The following EFCAB5 variants were observed in gnomAD, a reference collection of about 807,000 sequenced individuals.
EFCAB5 encodes the protein EF-hand calcium-binding domain-containing protein 5.
In EFCAB5, 131 loss-of-function variants were observed where a neutral mutation model predicts 167.9. The ratio of observed to expected loss-of-function variants is 0.78; its 90% CI spans 0.68 to 0.90. EFCAB5 has a LOEUF of 0.90. Among genes scored for constraint, EFCAB5 ranks in the 40% least tolerant of loss-of-function variants. The pLI, the probability that EFCAB5 is intolerant of heterozygous loss-of-function variation, is 0.00. For synonymous variants in EFCAB5, 574 were observed against 602.8 expected, an observed-to-expected ratio of 0.95 and a Z score of 0.70; for missense variants, 1,663 against 1,745.2, an observed-to-expected ratio of 0.95 and a Z score of 0.84.
At chr17:29,980,519 T>G (rs548553808) in intron 4 of EFCAB5, among the ~76,000 whole-genome samples, 2 of 152,354 alleles carry the variant, frequency 1.3e-5, no homozygotes, top group South Asian at 4.1e-4. Context: ...TTTATCTTAC[T>G]TGACCTCTTA....
intron 4 of EFCAB5, among the ~76,000 whole-genome samples, chr17:29,992,903 A>T (rs1228472063): frequency 6.6e-6 from 1 of 152,184 alleles, no homozygotes; most frequent in Non-Finnish European, 1.5e-5. Flanking sequence ...TCACATTCCT[A>T]CCAATACTTC....
At chr17:30,072,493 G>C (rs9910717) in intron 14 of EFCAB5, among the ~76,000 whole-genome samples, 14,045 of 152,144 alleles carry the variant, frequency 0.092, 1,437 homozygotes, top group African/African-American at 0.26. Context: ...TAAGTAGCTA[G>C]CATAAAATTC....
intron 14 of EFCAB5, chr17:30,069,674 G>A (rs2151816407): frequency 1.4e-6 from 2 of 1,445,102 alleles, no homozygotes; most frequent in South Asian, 1.2e-5. Context: ...CTGCATGGGC[G>A]CTCACAGGCT....
chr17:30,072,445 A>T (rs1178141733), intron 14 of EFCAB5, among the ~76,000 whole-genome samples: 1 of 152,212 alleles, frequency 6.6e-6, no homozygotes, highest in Non-Finnish European at 1.5e-5. Flanking sequence ...TCTCATTGAA[A>T]AGTACACAAG....
At chr17:30,068,952 A>G in intron 14 of EFCAB5, 1 of 1,531,134 alleles carries the variant, frequency 6.5e-7, no homozygotes, top group South Asian at 1.1e-5. Context: ...GGACCTGTTC[A>G]GAAGCAATTC....
intron 3 of EFCAB5, among the ~76,000 whole-genome samples, chr17:29,955,567 G>C (rs184396036): frequency 2.0e-5 from 3 of 152,100 alleles, no homozygotes; most frequent in African/African-American, 7.2e-5. Context: ...ACCCAGTCTG[G>C]GATATGCCTT....
chr17:29,996,218 A>G, intron 5 of EFCAB5, 94 bp from the exon 6 acceptor site: 1 of 1,026,084 alleles, frequency 9.7e-7, no homozygotes, highest in East Asian at 2.6e-5. Flanking sequence ...TAAAACAGAA[A>G]GACTATAGAT....
At chr17:30,088,311 G>A (rs534301615) in intron 19 of EFCAB5, among the ~76,000 whole-genome samples, 46 of 152,080 alleles carry the variant, frequency 3.0e-4, no homozygotes, top group Admixed American at 1.4e-3. Context: ...TTAAGAGACA[G>A]GGTCTCTTTA....
intron 3 of EFCAB5, among the ~76,000 whole-genome samples, chr17:29,963,527 T>C (rs1278171478): frequency 2.0e-5 from 3 of 152,234 alleles, no homozygotes; most frequent in Non-Finnish European, 4.4e-5. Flanking sequence ...GATATCTATC[T>C]AGCTTTAGTA....
intron 6 of EFCAB5, among the ~76,000 whole-genome samples, chr17:29,998,119 G>A (rs1174015965): frequency 6.6e-6 from 1 of 152,098 alleles, no homozygotes. Flanking sequence ...CCGTCTTCCT[G>A]ATCACTGATC....
At chr17:29,970,861 G>A (rs190395715) in intron 4 of EFCAB5, among the ~76,000 whole-genome samples, 8 of 152,232 alleles carry the variant, frequency 5.3e-5, no homozygotes, top group African/African-American at 1.9e-4. Flanking sequence ...GATCACCTGA[G>A]GTCAGGAGTT....
chr17:29,979,536 C>T (rs2068129833), intron 4 of EFCAB5, among the ~76,000 whole-genome samples: 1 of 152,198 alleles, frequency 6.6e-6, no homozygotes, highest in African/African-American at 2.4e-5. Context: ...AGCCAAGTGT[C>T]CTCTTTGGGA....
intron 8 of EFCAB5, among the ~76,000 whole-genome samples, chr17:30,046,535 TATA>T (rs2069934817): frequency 6.6e-6 from 1 of 152,178 alleles, no homozygotes; most frequent in Non-Finnish European, 1.5e-5. Context: ...AGCCCCCAAA[TATA>T]ATGTGACAGA....
intron 8 of EFCAB5, among the ~76,000 whole-genome samples, chr17:30,043,098 A>G (rs555344757): frequency 6.6e-6 from 1 of 152,270 alleles, no homozygotes; most frequent in South Asian, 2.1e-4. Flanking sequence ...TGGGAAACAT[A>G]GCAAGACCAC....
intron 22 of EFCAB5, among the ~76,000 whole-genome samples, chr17:30,101,164 T>C (rs2071377871): frequency 6.6e-6 from 1 of 152,132 alleles, no homozygotes; most frequent in East Asian, 1.9e-4. Context: ...ATTAGAGCCA[T>C]TGCAAGGTTT....
At chr17:29,948,988 A>G (rs2067457429) in intron 3 of EFCAB5, among the ~76,000 whole-genome samples, 1 of 152,206 alleles carries the variant, frequency 6.6e-6, no homozygotes, top group Admixed American at 6.5e-5. Context: ...TAATAAGGAC[A>G]AAGCCGCTGA....
intron 7 of EFCAB5, among the ~76,000 whole-genome samples, chr17:30,019,735 C>T (rs1168912186): frequency 1.3e-5 from 2 of 152,028 alleles, no homozygotes; most frequent in East Asian, 3.8e-4. Flanking sequence ...CGTGAGCCAC[C>T]GTGCCCAGCC....
At chr17:30,062,432 AC>A (rs2070449858) in intron 14 of EFCAB5, among the ~76,000 whole-genome samples, 1 of 152,046 alleles carries the variant, frequency 6.6e-6, no homozygotes, top group Non-Finnish European at 1.5e-5. Flanking sequence ...GATCCCAGCA[AC>A]CCCCATTGAC....
intron 7 of EFCAB5, among the ~76,000 whole-genome samples, chr17:30,003,734 T>C (rs1299360150): frequency 2.0e-5 from 3 of 152,222 alleles, no homozygotes; most frequent in Non-Finnish European, 1.5e-5. Flanking sequence ...TGAATTATTT[T>C]TATAGTGGCT....
Sources: allele counts gnomAD v4.1 joint callset (sites outside exome capture counted in the v4.1 genomes callset), GRCh38; gene constraint gnomAD v4.1.1; transcripts MANE v1.5; gene names NCBI Gene and HGNC (gene_info 2026-07-23, HGNC 2026-07-21).